Variants in DIAPH3 observed in about 807,000 individuals in gnomAD.
The protein encoded by DIAPH3 is protein diaphanous homolog 3.
DIAPH3 carries 117 observed loss-of-function variants against 144.3 expected under a neutral mutation model. That is an observed-to-expected ratio of 0.81 (90% CI 0.70 to 0.95). The LOEUF (loss-of-function observed/expected upper bound fraction) is 0.95. Ranked by LOEUF, DIAPH3 falls within the 40% of genes least tolerant of loss-of-function variation. DIAPH3 has a pLI of 0.00. For synonymous variants in DIAPH3, 519 were observed against 488.9 expected, an observed-to-expected ratio of 1.06 and a Z score of -0.81; for missense variants, 1,421 against 1,412.7, an observed-to-expected ratio of 1.01 and a Z score of -0.09.
At chr13:59,686,513 A>G (rs760688865) in intron 27 of DIAPH3, among the ~76,000 whole-genome samples, 1 of 100,792 alleles carries the variant, frequency 9.9e-6, no homozygotes, top group Non-Finnish European at 2.3e-5. Flanking sequence ...GCTCTTCAGG[A>G]AAAAAAAAAA....
chr13:59,675,189 C>T lies in DIAPH3; in HGVS notation c.3320-8343G>A, dbSNP rs367641566. 1.3e-3 allele frequency among the ~76,000 whole-genome samples: 205 copies of T among 152,088 alleles called. 1 individual carries two copies. The highest frequency in any genetic ancestry group is 4.7e-3 in the African/African-American group (196 of 41,466). ...CAAGGTATCCTCTTGTCTTGGCCTTCGGAGTAGCTAGGTCTACAGGCACGT... is the reference window on the plus strand; with the variant it reads ...CAAGGTATCCTCTTGTCTTGGCCTTTGGAGTAGCTAGGTCTACAGGCACGT... On this transcript the variant is annotated intron_variant, in intron 27 of 27. Transcript: ENST00000400324.
intron 2 of DIAPH3, among the ~76,000 whole-genome samples, chr13:60,128,376 T>C (rs1212979010): frequency 6.6e-6 from 1 of 152,204 alleles, no homozygotes; most frequent in Non-Finnish European, 1.5e-5. Flanking sequence ...ACCATACGTG[T>C]ACATGTGTCT....
intron 27 of DIAPH3, among the ~76,000 whole-genome samples, chr13:59,723,136 G>A (rs887076559): frequency 1.3e-5 from 2 of 152,204 alleles, no homozygotes; most frequent in Non-Finnish European, 2.9e-5. Flanking sequence ...ATGCAGATGT[G>A]TTCTTGGTGA....
chr13:59,761,725 T>C (rs895414591), intron 27 of DIAPH3, among the ~76,000 whole-genome samples: 8 of 152,148 alleles, frequency 5.3e-5, no homozygotes, highest in Non-Finnish European at 1.0e-4. Flanking sequence ...CACATAAAAA[T>C]GATAAGCTGA....
chr13:60,072,610 A>T (rs2057248827), intron 4 of DIAPH3, among the ~76,000 whole-genome samples: 1 of 152,190 alleles, frequency 6.6e-6, no homozygotes, highest in Non-Finnish European at 1.5e-5. Context: ...ATCTTTATCA[A>T]AATATACCTC....
At chr13:60,129,930 T>C (rs2059097272) in intron 2 of DIAPH3, among the ~76,000 whole-genome samples, 3 of 152,208 alleles carry the variant, frequency 2.0e-5, no homozygotes, top group Admixed American at 2.0e-4. Flanking sequence ...ACCACTTCTC[T>C]GTCTGTACAT....
chr13:59,919,766 A>C (rs1258552442), intron 18 of DIAPH3, among the ~76,000 whole-genome samples: 1 of 152,064 alleles, frequency 6.6e-6, no homozygotes, highest in Non-Finnish European at 1.5e-5. Context: ...GAATATTCTA[A>C]TAATGTAATA....
chr13:60,047,740 A>G (rs2141228989), intron 4 of DIAPH3, among the ~76,000 whole-genome samples: 1 of 152,348 alleles, frequency 6.6e-6, no homozygotes, highest in East Asian at 1.9e-4. Flanking sequence ...ATAGGACACA[A>G]AGAGTACTAG....
chr13:60,143,963 T>G (rs891025572), intron 1 of DIAPH3, among the ~76,000 whole-genome samples: 2 of 152,186 alleles, frequency 1.3e-5, no homozygotes, highest in African/African-American at 4.8e-5. Context: ...GGATCAACCT[T>G]CATTATTATG....
intron 8 of DIAPH3, among the ~76,000 whole-genome samples, chr13:60,010,006 C>A (rs1049658914): frequency 6.6e-6 from 1 of 152,208 alleles, no homozygotes; most frequent in African/African-American, 2.4e-5. Context: ...ATACTCCTAA[C>A]AAATGTGGTT....
Position 59,666,758 on chromosome 13 carries a change from A to T in DIAPH3, c.3408T>A (p.Leu1136=). 6.2e-7 allele frequency: 1 copy of T among 1,614,126 alleles called. No individual in the cohort carries two copies. Among genetic ancestry groups the T allele is most frequent in the South Asian group, 1.1e-5 (1 of 91,070 alleles). ...NSTRTPVAKE[L]NYNLDTHTST... is the part of the protein sequence containing the mutation. ...ACGTATGAGTGTCTAGATTATAATT[A>T]AGCTCCTTGGCGACTGGAGTCCTTG... is the stretch of plus-strand genomic sequence containing the variant. Residue 1136 remains leucine (L), a synonymous_variant, in exon 28 of 28, where the codon CTT becomes CTA. Transcript: ENST00000400324.
chr13:59,963,058 C>T (rs1276784794), intron 17 of DIAPH3, among the ~76,000 whole-genome samples: 2 of 151,986 alleles, frequency 1.3e-5, no homozygotes, highest in Admixed American at 1.3e-4. Context: ...TTTGCAGACC[C>T]CAAGTTAAGA....
chr13:59,981,596 T>A (rs544757576), intron 13 of DIAPH3, among the ~76,000 whole-genome samples: 20 of 151,080 alleles, frequency 1.3e-4, no homozygotes, highest in African/African-American at 4.6e-4. Context: ...CATGATAGAA[T>A]ACAATGTAGA....
chr13:59,740,085 G>C (rs759900918), intron 27 of DIAPH3, among the ~76,000 whole-genome samples: 13 of 152,112 alleles, frequency 8.5e-5, no homozygotes, highest in Non-Finnish European at 1.3e-4. Context: ...TGCCAATAAT[G>C]AAACTTCAGC....
At chr13:59,838,404 G>T (rs1245534835) in intron 23 of DIAPH3, 6 of 152,040 alleles carry the variant, frequency 3.9e-5, no homozygotes. Context: ...ATATGTGTGT[G>T]TGTGTGTGTG....
At chr13:60,042,443 A>C (rs2055742323) in intron 5 of DIAPH3, among the ~76,000 whole-genome samples, 1 of 152,180 alleles carries the variant, frequency 6.6e-6, no homozygotes, top group Non-Finnish European at 1.5e-5. Context: ...CTTTTAGAAA[A>C]CACCTTAAGT....
intron 24 of DIAPH3, among the ~76,000 whole-genome samples, chr13:59,825,975 T>C (rs1396900585): frequency 6.6e-6 from 1 of 152,090 alleles, no homozygotes; most frequent in African/African-American, 2.4e-5. Flanking sequence ...TTGACAAAAT[T>C]CAACAACCTT....
At chr13:60,094,583 T>C (rs2058050527) in intron 3 of DIAPH3, among the ~76,000 whole-genome samples, 2 of 152,166 alleles carry the variant, frequency 1.3e-5, no homozygotes, top group Non-Finnish European at 2.9e-5. Flanking sequence ...ATTTGTGATA[T>C]GCAATGTAAA....
chr13:59,987,495 A>G (rs1166594455), intron 12 of DIAPH3, among the ~76,000 whole-genome samples: 2 of 131,286 alleles, frequency 1.5e-5, no homozygotes, highest in East Asian at 2.0e-4. Context: ...AAAAAGAAAA[A>G]AAAAAAAGAC....
Sources: gnomAD v4.1 joint callset for allele counts (sites outside exome capture counted in the v4.1 genomes callset) on GRCh38, gnomAD v4.1.1 for gene constraint, MANE v1.5 for transcripts, NCBI Gene and HGNC (gene_info 2026-07-23, HGNC 2026-07-21) for gene names.